SYN3: variants seen among roughly 807,000 people sequenced by gnomAD.
SYN3 encodes the protein synapsin III.
In SYN3, 35 loss-of-function variants were observed where a neutral mutation model predicts 65.8. The observed-to-expected ratio is 0.53, with a 90% CI of 0.41 to 0.70. SYN3 has a LOEUF of 0.70. SYN3 is among the 30% of genes least tolerant of loss of function. The pLI is 0.00. For synonymous variants in SYN3, 270 were observed against 292.9 expected, an observed-to-expected ratio of 0.92 and a Z score of 0.80; for missense variants, 680 against 749.0, an observed-to-expected ratio of 0.91 and a Z score of 1.08.
At chr22:32,834,229 T>C (rs991499451) in intron 6 of SYN3, among the ~76,000 whole-genome samples, 2 of 152,112 alleles carry the variant, frequency 1.3e-5, no homozygotes, top group Non-Finnish European at 2.9e-5. Flanking sequence ...CTCGGCTCAC[T>C]GCAGCCTCCG....
chr22:32,635,299 G>A (rs77185562), intron 6 of SYN3: 1 of 151,980 alleles, frequency 6.6e-6, no homozygotes, highest in South Asian at 2.1e-4. Flanking sequence ...TTTTCTATAT[G>A]TATCTATCTT....
At chr22:32,547,280 C>T (rs1473632786) in intron 7 of SYN3, among the ~76,000 whole-genome samples, 1 of 152,030 alleles carries the variant, frequency 6.6e-6, no homozygotes, top group East Asian at 1.9e-4. Context: ...TCACCATGCC[C>T]GGCCACTCTT....
chr22:32,924,200 C>A (rs1170076310), intron 4 of SYN3, among the ~76,000 whole-genome samples: 2 of 152,120 alleles, frequency 1.3e-5, no homozygotes, highest in Non-Finnish European at 2.9e-5. Context: ...TGGGTATATA[C>A]TCGGTAATGG....
rs77424123 is a variant in SYN3 at position 32,871,954 on chromosome 22, G to A, written c.462-2829C>T. ...TCCATCCTCATTTTCTATCTTTCTC[G>A]CCTCCCTCACTGCCACACAAGCCAC... is the stretch of plus-strand genomic sequence containing the variant. On this transcript the variant is annotated intron_variant, in intron 4 of 13. Coordinates refer to ENST00000358763, the MANE Select transcript of SYN3 (RefSeq NM_003490.4). 9.1e-3 allele frequency among the ~76,000 whole-genome samples: 1,377 copies of A among 151,642 alleles called. 29 individuals carry two copies. The highest frequency in any genetic ancestry group is 0.032 in the African/African-American group (1,335 of 41,306).
chr22:33,014,207 G>A (rs533402344), intron 1 of SYN3, among the ~76,000 whole-genome samples: 48 of 152,216 alleles, frequency 3.2e-4, no homozygotes, highest in African/African-American at 1.1e-3. Context: ...AAGCCAATGG[G>A]TCCTAGCTTC....
intron 6 of SYN3, among the ~76,000 whole-genome samples, chr22:32,626,440 T>C (rs1353646314): frequency 1.3e-5 from 2 of 151,774 alleles, no homozygotes; most frequent in Non-Finnish European, 2.9e-5. Flanking sequence ...GAAAGTGGGG[T>C]TAGAGTAAGG....
chr22:32,869,421 GA>G (rs1301936275), intron 4 of SYN3, among the ~76,000 whole-genome samples: 4 of 144,806 alleles, frequency 2.8e-5, no homozygotes, highest in African/African-American at 7.6e-5. Flanking sequence ...TTTGCAACCA[GA>G]AAAAAATATA....
rs549191703 is a variant in SYN3 at position 33,007,534 on chromosome 22, G to T, written c.-162-710C>A. 6.6e-5 allele frequency among the ~76,000 whole-genome samples: 10 copies of T among 152,286 alleles called. No individual in the cohort carries two copies. In the South Asian group the frequency reaches 2.1e-3, roughly 32 times the overall value. On this transcript the variant is annotated intron_variant, in intron 1 of 13. Transcript: ENST00000358763. ...CTTTGGGAGGTAATTATGGTTAGTGGGGTCATGAGGGTGTGGCCCACGCGA... is the reference window on the plus strand; with the variant it reads ...CTTTGGGAGGTAATTATGGTTAGTGTGGTCATGAGGGTGTGGCCCACGCGA...
At chr22:32,698,683 C>T (rs1324058558) in intron 6 of SYN3, among the ~76,000 whole-genome samples, 1 of 152,192 alleles carries the variant, frequency 6.6e-6, no homozygotes, top group Non-Finnish European at 1.5e-5. Context: ...CCTAGCAAAG[C>T]TCCAGAATCA....
intron 9 of SYN3, 30 bp from the exon 10 acceptor site, chr22:32,533,925 T>G (rs2058119833): frequency 3.9e-6 from 6 of 1,543,636 alleles, no homozygotes; most frequent in African/African-American, 1.4e-5. Flanking sequence ...GACAGTGAAG[T>G]GGCCTGGGAA....
At chr22:32,639,583 G>A (rs1251886109) in intron 6 of SYN3, among the ~76,000 whole-genome samples, 1 of 152,126 alleles carries the variant, frequency 6.6e-6, no homozygotes, top group East Asian at 1.9e-4. Context: ...AGGATGGAAT[G>A]TAGTAGTGTG....
chr22:32,980,707 A>G lies in SYN3; in HGVS notation c.312-5T>C, dbSNP rs747007129. 55 of 1,613,636 alleles carry G rather than the reference A, an allele frequency of 3.4e-5. No individual in the cohort carries two copies. The highest frequency in any genetic ancestry group is 3.3e-4 in the Middle Eastern group (2 of 6,080). On this transcript the variant is annotated splice_polypyrimidine_tract_variant and splice_region_variant and intron_variant, in intron 2 of 13. Transcript: ENST00000358763. ...TTCCCATGGAAATACTTCGACCTGT[A>G]AAGGGGAAGAAATCAGCTGAGTAAG... is the stretch of plus-strand genomic sequence containing the variant.
chr22:32,871,308 G>A (rs1001964626), intron 4 of SYN3, among the ~76,000 whole-genome samples: 1 of 152,164 alleles, frequency 6.6e-6, no homozygotes, highest in Non-Finnish European at 1.5e-5. Context: ...TGGGATCCCC[G>A]ACTCTGGCTC....
chr22:32,867,639 G>A (rs1488852199), intron 5 of SYN3, among the ~76,000 whole-genome samples: 2 of 152,186 alleles, frequency 1.3e-5, no homozygotes, highest in Non-Finnish European at 2.9e-5. Context: ...CTGGAGCGCA[G>A]TGGCGCAATC....
intron 6 of SYN3, among the ~76,000 whole-genome samples, chr22:32,823,026 G>A (rs573523129): frequency 6.6e-6 from 1 of 152,254 alleles, no homozygotes; most frequent in South Asian, 2.1e-4. Flanking sequence ...GTTACTCTGC[G>A]CTGTGGGATT....
At chr22:32,865,195 TA>T (rs1018370986) in intron 5 of SYN3, among the ~76,000 whole-genome samples, 191 bp from the exon 6 acceptor site, 1 of 152,198 alleles carries the variant, frequency 6.6e-6, no homozygotes. Flanking sequence ...CTAGCCATAT[TA>T]ACCCCTCCAT....
At chr22:32,631,545 G>A (rs1287585161) in intron 6 of SYN3, among the ~76,000 whole-genome samples, 3 of 152,130 alleles carry the variant, frequency 2.0e-5, no homozygotes, top group Non-Finnish European at 4.4e-5. Flanking sequence ...TTTAAAGCAG[G>A]AAGGACCTTA....
intron 3 of SYN3, among the ~76,000 whole-genome samples, chr22:32,959,246 G>A (rs2051566707): frequency 6.6e-6 from 1 of 151,976 alleles, no homozygotes; most frequent in Non-Finnish European, 1.5e-5. Flanking sequence ...GTCTTTGCTT[G>A]CTGTCATCCA....
intron 6 of SYN3, among the ~76,000 whole-genome samples, chr22:32,645,451 G>GAAA (rs131064): frequency 7.3e-6 from 1 of 136,802 alleles, no homozygotes; most frequent in Non-Finnish European, 1.6e-5. Context: ...AACTCCGTCT[G>GAAA]AAAAAAAAAA....
Sources: allele counts gnomAD v4.1 joint callset (sites outside exome capture counted in the v4.1 genomes callset), GRCh38; gene constraint gnomAD v4.1.1; transcripts MANE v1.5; gene names NCBI Gene and HGNC (gene_info 2026-07-23, HGNC 2026-07-21).